PRIMPOL: variants seen among roughly 807,000 people sequenced by gnomAD.
The protein encoded by PRIMPOL is DNA-directed primase/polymerase protein.
A neutral mutation model predicts 63.6 loss-of-function variants in PRIMPOL; 54 were observed. That is an observed-to-expected ratio of 0.85 (90% CI 0.68 to 1.07). PRIMPOL has a LOEUF of 1.07. Among genes scored for constraint, PRIMPOL ranks in the 50% least tolerant of loss-of-function variants. The pLI, the probability that PRIMPOL is intolerant of heterozygous loss-of-function variation, is 0.00. For synonymous variants in PRIMPOL, 197 were observed against 220.2 expected (o/e 0.89, Z 0.93); for missense variants, 610 against 648.3 (o/e 0.94, Z 0.64).
intron 7 of PRIMPOL, among the ~76,000 whole-genome samples, 194 bp downstream of exon 7, chr4:184,672,654 C>T (rs764965992): frequency 1.4e-4 from 22 of 152,088 alleles, no homozygotes; most frequent in Non-Finnish European, 2.1e-4. Flanking sequence ...GGGTCCAGGC[C>T]GGCCTGAGCT....
intron 2 of PRIMPOL, among the ~76,000 whole-genome samples, chr4:184,654,741 C>T (rs778759790): frequency 6.6e-6 from 1 of 152,024 alleles, no homozygotes; most frequent in South Asian, 2.1e-4. Context: ...CGTGAGCCAC[C>T]GCGCCCGGCT....
chr4:184,686,357 G>A (rs1321107947), intron 11 of PRIMPOL, among the ~76,000 whole-genome samples: 1 of 152,150 alleles, frequency 6.6e-6, no homozygotes, highest in African/African-American at 2.4e-5. Context: ...TGGACTCTAC[G>A]TCGAAAGTGC....
rs56173604 is a variant in PRIMPOL, at chr4:184,655,294, A to G, written c.-59-1788A>G. Reference sequence around the variant, plus strand: ...CAAAGTGCTGGGATTACAGGCATGAACCACGGCGCCTGGTCTACCCTCTCG... The same window carrying G: ...CAAAGTGCTGGGATTACAGGCATGAGCCACGGCGCCTGGTCTACCCTCTCG... On this transcript the variant is annotated intron_variant, in intron 2 of 13. Transcript: ENST00000314970. Among the ~76,000 whole-genome samples, 1,216 of 147,532 alleles carry G rather than the reference A, an allele frequency of 8.2e-3. 16 individuals are homozygous for G. The highest frequency in any genetic ancestry group is 0.029 in the African/African-American group (1,153 of 39,834).
intron 2 of PRIMPOL, among the ~76,000 whole-genome samples, chr4:184,652,713 A>G (rs1744906148): frequency 1.3e-5 from 2 of 152,306 alleles, no homozygotes; most frequent in South Asian, 4.1e-4. Flanking sequence ...TTAAGAAAAT[A>G]TTGTCAAATA....
chr4:184,671,738 G>GTTTT (rs57281352), intron 6 of PRIMPOL, among the ~76,000 whole-genome samples: 1 of 95,474 alleles, frequency 1.0e-5, no homozygotes, highest in Non-Finnish European at 2.1e-5. Flanking sequence ...TAGCGACTCG[G>GTTTT]TTTTTTTTTT....
chr4:184,665,993 C>G lies in PRIMPOL; in HGVS notation c.485C>G (p.Thr162Ser), dbSNP rs1186859896. Reference sequence around the variant, plus strand: ...GATGTTTTGAACTTGGATTCTAGCACTGATGAAAAATTCAGCCGGCATTTA... The same window carrying G: ...GATGTTTTGAACTTGGATTCTAGCAGTGATGAAAAATTCAGCCGGCATTTA... ...AEDVLNLDSSTDEKFSRHLIF... is the reference protein window; with the variant it reads ...AEDVLNLDSSSDEKFSRHLIF... Residue 162 changes from threonine (T) to serine (S), a missense_variant, in exon 6 of 14, where the codon ACT (threonine) becomes AGT (serine). Around this residue, in one of 3 missense-constraint regions of PRIMPOL, gnomAD observed 7 missense variants for 23.0 expected, o/e 0.30. Coordinates refer to ENST00000314970, the MANE Select transcript of PRIMPOL (RefSeq NM_152683.4). The G allele has an allele frequency of 3.1e-6, 5 of 1,609,424 alleles. No homozygotes were observed. The highest frequency in any genetic ancestry group is 2.7e-5 in the African/African-American group (2 of 74,918).
chr4:184,659,336 G>C lies in PRIMPOL; in HGVS notation c.181-4G>C, dbSNP rs199650882. 4.9e-5 allele frequency: 79 copies of C among 1,607,268 alleles called. 1 individual carries two copies. In the Admixed American group the frequency reaches 1.0e-3, roughly 20 times the overall value. On this transcript the variant is annotated splice_polypyrimidine_tract_variant and splice_region_variant and intron_variant, in intron 3 of 13. Coordinates refer to ENST00000314970, the MANE Select transcript of PRIMPOL (RefSeq NM_152683.4). The stretch of plus-strand genomic sequence containing the variant: ...TTTCTGAATTCTTTTTTGATTTTAT[G>C]CAGGACGTTCATGTATTTGCTTTGG...
chr4:184,672,131 G>A (rs763963677), intron 6 of PRIMPOL, 42 bp from the exon 7 acceptor site: 1 of 1,521,648 alleles, frequency 6.6e-7, no homozygotes, highest in Admixed American at 1.9e-5. Flanking sequence ...GATGCGGTGT[G>A]TGGAGAAGAT....
chr4:184,691,365 A>G, intron 11 of PRIMPOL, 134 bp from the exon 12 acceptor site: 1 of 627,868 alleles, frequency 1.6e-6, no homozygotes, highest in Non-Finnish European at 2.8e-6. Context: ...GTATGTATCT[A>G]TCCTTATCCT....
chr4:184,669,505 C>A (rs1230339526), intron 6 of PRIMPOL, among the ~76,000 whole-genome samples: 1 of 152,178 alleles, frequency 6.6e-6, no homozygotes, highest in Non-Finnish European at 1.5e-5. Flanking sequence ...TTGCCGTGTA[C>A]TGGTCATCGT....
Position 184,694,571 on chromosome 4 carries a change from C to T in PRIMPOL, c.1475C>T (p.Thr492Ile). The T allele has an allele frequency of 2.5e-6, 4 of 1,614,030 alleles. No homozygotes were observed. Among genetic ancestry groups the T allele is most frequent in the Non-Finnish European group, 3.4e-6 (4 of 1,179,934 alleles). Residue 492 changes from threonine to isoleucine, a missense_variant, in exon 14 of 14, where the codon ACC (threonine) becomes ATC (isoleucine). By Grantham distance (89) the Thr-to-Ile change is moderately conservative. Around this residue, in one of 3 missense-constraint regions of PRIMPOL, gnomAD observed 444 missense variants for 456.4 expected, o/e 0.97. Coordinates refer to ENST00000314970, the MANE Select transcript of PRIMPOL (RefSeq NM_152683.4). ...DEADETRSNETQNPHKPSPSR... is the reference protein window; with the variant it reads ...DEADETRSNEIQNPHKPSPSR... ...GCAGATGAAACTAGGAGCAATGAAA[C>T]CCAGAATCCTCATAAACCATCACCT...
intron 13 of PRIMPOL, among the ~76,000 whole-genome samples, chr4:184,692,175 G>A (rs535328484): frequency 1.1e-4 from 17 of 152,122 alleles, no homozygotes; most frequent in African/African-American, 3.9e-4. Context: ...AGAATGAATT[G>A]AAAATACATA....
At chr4:184,673,309 T>C (rs1752373869) in intron 7 of PRIMPOL, among the ~76,000 whole-genome samples, 1 of 151,794 alleles carries the variant, frequency 6.6e-6, no homozygotes, top group African/African-American at 2.4e-5. Context: ...TTTTGTATTT[T>C]TAGTAGAGAC....
At chr4:184,685,546 G>A in intron 10 of PRIMPOL, 30 bp from the exon 11 acceptor site, 1 of 1,594,336 alleles carries the variant, frequency 6.3e-7, no homozygotes, top group Non-Finnish European at 8.6e-7. Flanking sequence ...TAGAGTGATA[G>A]TAGCTTTAGA....
chr4:184,683,101 T>C (rs1363206102), intron 9 of PRIMPOL, among the ~76,000 whole-genome samples: 1 of 151,902 alleles, frequency 6.6e-6, no homozygotes, highest in African/African-American at 2.4e-5. Flanking sequence ...AGGTTTTCTA[T>C]CTCAAATGGA....
chr4:184,668,178 C>G (rs1325186091), intron 6 of PRIMPOL, among the ~76,000 whole-genome samples: 2 of 152,224 alleles, frequency 1.3e-5, no homozygotes, highest in African/African-American at 4.8e-5. Context: ...CAGCCAACTG[C>G]CTCTAAACAC....
intron 2 of PRIMPOL, 127 bp from the exon 3 acceptor site, chr4:184,656,955 G>A (rs1258231486): frequency 2.2e-6 from 1 of 464,566 alleles, no homozygotes; most frequent in African/African-American, 2.0e-5. Context: ...CTCTCATTCT[G>A]TGGTAAAACT....
intron 13 of PRIMPOL, among the ~76,000 whole-genome samples, chr4:184,691,942 A>G (rs1445530421): frequency 6.7e-6 from 1 of 149,930 alleles, no homozygotes; most frequent in Non-Finnish European, 1.5e-5. Context: ...CAGTTTAATC[A>G]GTCCCAGACA....
In PRIMPOL at chr4:184,685,610, A is replaced by G; in HGVS notation, c.1221A>G (p.Glu407=). The G allele has an allele frequency of 6.2e-7, 1 of 1,612,872 alleles. No homozygotes were observed. Among genetic ancestry groups the G allele is most frequent in the Non-Finnish European group, 8.5e-7 (1 of 1,179,000 alleles). ...IRRWNYFFPE[E]LLVYDICKYR... Reference sequence around the variant, plus strand: ...GTTGGAACTACTTTTTCCCAGAAGAATTACTGGTTTATGATATTTGTAAAT... The same window carrying G: ...GTTGGAACTACTTTTTCCCAGAAGAGTTACTGGTTTATGATATTTGTAAAT... Residue 407 remains glutamate (E), a synonymous_variant, in exon 11 of 14, where the codon GAA becomes GAG. Transcript: ENST00000314970.
Sources: gnomAD v4.1 joint callset for allele counts (sites outside exome capture counted in the v4.1 genomes callset) on GRCh38, gnomAD v4.1.1 for gene constraint, gnomAD v4.1.1 regional missense constraint, MANE v1.5 for transcripts, NCBI Gene and HGNC (gene_info 2026-07-23, HGNC 2026-07-21) for gene names.